The following RNF150 variants were observed in gnomAD, a reference collection of about 807,000 sequenced individuals.
The protein encoded by RNF150 is ring finger protein 150.
A neutral mutation model predicts 39.3 loss-of-function variants in RNF150; 24 were observed. The ratio of observed to expected loss-of-function variants is 0.61; its 90% CI spans 0.44 to 0.86. RNF150 has a LOEUF of 0.86. Ranked by LOEUF, RNF150 falls within the 40% of genes least tolerant of loss-of-function variation. The pLI is 0.00. For missense variants in RNF150, 502 were observed against 587.8 expected (o/e 0.85, Z 1.51); for synonymous variants, 255 against 227.3 (o/e 1.12, Z -1.10).
At chr4:140,935,338 T>C (rs1731822632) in intron 4 of RNF150, among the ~76,000 whole-genome samples, 1 of 151,902 alleles carries the variant, frequency 6.6e-6, no homozygotes, top group Admixed American at 6.6e-5. Context: ...CTTGGGTTTC[T>C]GGCAGAGGGA....
At chr4:141,022,606 T>C (rs1233603105) in intron 1 of RNF150, among the ~76,000 whole-genome samples, 2 of 152,208 alleles carry the variant, frequency 1.3e-5, no homozygotes, top group South Asian at 2.1e-4. Flanking sequence ...TTTGAGCATA[T>C]GGCATTTTCC....
chr4:141,006,159 C>A (rs978751239), intron 1 of RNF150, among the ~76,000 whole-genome samples: 2 of 151,034 alleles, frequency 1.3e-5, no homozygotes, highest in Admixed American at 1.3e-4. Context: ...ATTTGAATTT[C>A]TATTTTTAAA....
At position 140,999,976 on chromosome 4, in the gene RNF150, A is replaced by AAG. The variant is rs1553935681; in HGVS notation, c.485-32104_485-32103insCT. Among the ~76,000 whole-genome samples, 4 of 26,510 alleles carry AAG rather than the reference A, an allele frequency of 1.5e-4. 1 individual carries two copies. Among genetic ancestry groups the AAG allele is most frequent in the Non-Finnish European group, 1.0e-4 (1 of 9,602 alleles). 17.4% of individuals were successfully genotyped at this position (26,510 alleles called of 152,430 possible). A position where few individuals can be genotyped will look rare whatever the true frequency, so the allele number is the denominator to read the frequency against. The stretch of plus-strand genomic sequence containing the variant: ...GAAGAAGAAGAAGAAGAAGAAGAAG[A>AAG]AAAGAAGAAAAGAAGAAAAGAAGAA... On this transcript the variant is annotated intron_variant, in intron 1 of 6. Transcript: ENST00000515673.
chr4:141,124,915 AAATTG>A (rs112667000), intron 1 of RNF150, among the ~76,000 whole-genome samples: 20 of 152,346 alleles, frequency 1.3e-4, no homozygotes, highest in African/African-American at 4.8e-4. Context: ...ATATGTTCAC[AAATTG>A]AATATGAAAA....
At chr4:141,188,599 AT>A (rs1251958339) in intron 1 of RNF150, among the ~76,000 whole-genome samples, 1 of 151,558 alleles carries the variant, frequency 6.6e-6, no homozygotes, top group African/African-American at 2.4e-5. Flanking sequence ...CATTAAGTTG[AT>A]CTTCGATCTC....
chr4:141,200,247 C>A (rs764754521), intron 1 of RNF150, among the ~76,000 whole-genome samples: 43 of 152,078 alleles, frequency 2.8e-4, no homozygotes, highest in Non-Finnish European at 4.6e-4. Flanking sequence ...GCTGTATTCT[C>A]ATATAGTGGA....
intron 1 of RNF150, among the ~76,000 whole-genome samples, chr4:140,973,079 A>C (rs1390930469): frequency 2.0e-5 from 3 of 152,176 alleles, no homozygotes; most frequent in African/African-American, 7.2e-5. Flanking sequence ...AAAACCATTC[A>C]GGACTCTTCT....
intron 1 of RNF150, among the ~76,000 whole-genome samples, chr4:140,997,735 C>CACATATATGTGTG (rs1553935409): frequency 1.1e-4 from 16 of 151,744 alleles, no homozygotes; most frequent in East Asian, 1.9e-4. Flanking sequence ...TAAAAAGATA[C>CACATATATGTGTG]TAGCTGCATA....
At chr4:140,985,823 A>T (rs1316931520) in intron 1 of RNF150, among the ~76,000 whole-genome samples, 1 of 152,070 alleles carries the variant, frequency 6.6e-6, no homozygotes, top group Non-Finnish European at 1.5e-5. Context: ...TTCCTTTTTT[A>T]AAAATGTGGC....
At chr4:141,017,295 T>A (rs1735316460) in intron 1 of RNF150, among the ~76,000 whole-genome samples, 1 of 152,184 alleles carries the variant, frequency 6.6e-6, no homozygotes, top group Non-Finnish European at 1.5e-5. Context: ...GCTTAAGATT[T>A]GAGATCACCT....
intron 1 of RNF150, among the ~76,000 whole-genome samples, chr4:141,039,085 A>G (rs1736259475): frequency 6.6e-6 from 1 of 152,156 alleles, no homozygotes. Flanking sequence ...GTGGGTGGGA[A>G]ATAAAGTGTG....
chr4:140,923,498 T>C (rs560891274), intron 5 of RNF150, among the ~76,000 whole-genome samples: 1 of 152,144 alleles, frequency 6.6e-6, no homozygotes, highest in African/African-American at 2.4e-5. Context: ...TGTGGAGAAA[T>C]AGGAACACTT....
chr4:141,078,237 G>A (rs1240572459), intron 1 of RNF150, among the ~76,000 whole-genome samples: 1 of 152,118 alleles, frequency 6.6e-6, no homozygotes, highest in Non-Finnish European at 1.5e-5. Context: ...AATTGTGAAT[G>A]GTGACAGGGA....
intron 6 of RNF150, among the ~76,000 whole-genome samples, chr4:140,889,821 A>G (rs948661355): frequency 4.6e-5 from 7 of 152,126 alleles, no homozygotes; most frequent in African/African-American, 1.4e-4. Context: ...TCCTGACATT[A>G]TATTCTATAT....
chr4:141,122,946 T>C (rs1174341928), intron 1 of RNF150, among the ~76,000 whole-genome samples: 1 of 152,220 alleles, frequency 6.6e-6, no homozygotes, highest in Non-Finnish European at 1.5e-5. Context: ...GTTACAAACC[T>C]TTTTGACACT....
intron 1 of RNF150, among the ~76,000 whole-genome samples, chr4:141,038,709 C>A (rs1007417712): frequency 8.5e-5 from 13 of 152,112 alleles, no homozygotes; most frequent in African/African-American, 3.1e-4. Context: ...AAAAGAATCT[C>A]TTTCCCATTT....
intron 1 of RNF150, among the ~76,000 whole-genome samples, chr4:140,968,456 G>T (rs1733334481): frequency 6.6e-6 from 1 of 151,898 alleles, no homozygotes; most frequent in Non-Finnish European, 1.5e-5. Flanking sequence ...TTGCCAACAT[G>T]AAATTATGGT....
intron 1 of RNF150, among the ~76,000 whole-genome samples, chr4:141,028,133 C>A (rs1212682797): frequency 1.3e-5 from 2 of 151,722 alleles, no homozygotes; most frequent in Non-Finnish European, 2.9e-5. Flanking sequence ...ACTAAACAAC[C>A]CCTCTGTGGA....
At chr4:140,977,501 A>G (rs993345281) in intron 1 of RNF150, among the ~76,000 whole-genome samples, 1 of 152,150 alleles carries the variant, frequency 6.6e-6, no homozygotes, top group Non-Finnish European at 1.5e-5. Context: ...ACATGATTTG[A>G]GCCTTGATCA....
Sources: allele counts gnomAD v4.1 joint callset (sites outside exome capture counted in the v4.1 genomes callset), GRCh38; gene constraint gnomAD v4.1.1; transcripts MANE v1.5; gene names NCBI Gene and HGNC (gene_info 2026-07-23, HGNC 2026-07-21).